Variants in SMAP1 observed in about 807,000 individuals in gnomAD.
SMAP1 encodes small ArfGAP 1.
A neutral mutation model predicts 58.5 loss-of-function variants in SMAP1; 24 were observed. That is an observed-to-expected ratio of 0.41 (90% CI 0.30 to 0.58). SMAP1 has a LOEUF of 0.58. Ranked by LOEUF, SMAP1 falls within the 20% of genes least tolerant of loss-of-function variation. The pLI is 0.29. For synonymous variants in SMAP1, 216 were observed against 196.6 expected, an observed-to-expected ratio of 1.10 and a Z score of -0.82; for missense variants, 563 against 566.3, an observed-to-expected ratio of 0.99 and a Z score of 0.06.
At chr6:70,787,981 C>G (rs138035799) in intron 4 of SMAP1, among the ~76,000 whole-genome samples, 1,646 of 152,218 alleles carry the variant, frequency 0.011, 34 homozygotes, top group African/African-American at 0.037. Context: ...AATCGTGCTA[C>G]TATAAAGACA....
At chr6:70,747,036 AT>A (rs1169910845) in intron 2 of SMAP1, among the ~76,000 whole-genome samples, 1 of 152,166 alleles carries the variant, frequency 6.6e-6, no homozygotes, top group African/African-American at 2.4e-5. Flanking sequence ...ATTGCACATA[AT>A]ATTTTAGAGG....
At chr6:70,727,282 T>A (rs1191493951) in intron 1 of SMAP1, among the ~76,000 whole-genome samples, 1 of 152,124 alleles carries the variant, frequency 6.6e-6, no homozygotes. Flanking sequence ...CTAATTTTTG[T>A]GTTTTTAGTA....
At chr6:70,767,785 A>G (rs1173040267) in intron 3 of SMAP1, among the ~76,000 whole-genome samples, 1 of 137,468 alleles carries the variant, frequency 7.3e-6, no homozygotes, top group Non-Finnish European at 1.5e-5. Flanking sequence ...TTCCAACACT[A>G]TGTTGAATAG....
At chr6:70,670,240 A>G (rs1766208020) in intron 1 of SMAP1, among the ~76,000 whole-genome samples, 1 of 152,212 alleles carries the variant, frequency 6.6e-6, no homozygotes. Context: ...CATGAACTCC[A>G]CAGTATAATT....
intron 6 of SMAP1, among the ~76,000 whole-genome samples, chr6:70,817,203 C>T (rs1769675867): frequency 1.3e-5 from 2 of 151,188 alleles, no homozygotes; most frequent in South Asian, 4.2e-4. Context: ...CATTATTATT[C>T]TACTGAATAG....
At chr6:70,773,974 A>T (rs116976388) in intron 4 of SMAP1, among the ~76,000 whole-genome samples, 1 of 152,204 alleles carries the variant, frequency 6.6e-6, no homozygotes, top group Non-Finnish European at 1.5e-5. Flanking sequence ...CGTTGGTCCT[A>T]TAAGTTTATA....
intron 6 of SMAP1, among the ~76,000 whole-genome samples, chr6:70,822,093 T>G (rs1209611879): frequency 6.6e-6 from 1 of 152,120 alleles, no homozygotes; most frequent in Non-Finnish European, 1.5e-5. Flanking sequence ...AATTAGAAAT[T>G]TCCTGAAATA....
intron 6 of SMAP1, among the ~76,000 whole-genome samples, chr6:70,803,994 CTTA>C (rs1562173001): frequency 6.6e-6 from 1 of 152,090 alleles, no homozygotes; most frequent in South Asian, 2.1e-4. Context: ...CTGTAGATGT[CTTA>C]TTAGGTCCAC....
At chr6:70,841,175 T>TG (rs959640720) in intron 7 of SMAP1, among the ~76,000 whole-genome samples, 20 of 152,216 alleles carry the variant, frequency 1.3e-4, no homozygotes, top group African/African-American at 4.6e-4. Flanking sequence ...GGCGAGCACA[T>TG]GCTTTGGGCA....
intron 4 of SMAP1, among the ~76,000 whole-genome samples, chr6:70,788,035 G>C (rs1270556453): frequency 6.6e-6 from 1 of 152,026 alleles, no homozygotes; most frequent in African/African-American, 2.4e-5. Flanking sequence ...CATTAACAAA[G>C]ACTTGGAACC....
chr6:70,853,311 C>A (rs1448720311), intron 8 of SMAP1, among the ~76,000 whole-genome samples: 1 of 151,850 alleles, frequency 6.6e-6, no homozygotes, highest in Admixed American at 6.6e-5. Context: ...CTTAACATTA[C>A]ATGGAATTTT....
At chr6:70,675,972 ACAT>A (rs1766466000) in intron 1 of SMAP1, among the ~76,000 whole-genome samples, 1 of 152,248 alleles carries the variant, frequency 6.6e-6, no homozygotes, top group South Asian at 2.1e-4. Flanking sequence ...AGGGTTACCT[ACAT>A]GACCAGTCTC....
chr6:70,782,239 A>T (rs184393301), intron 4 of SMAP1, among the ~76,000 whole-genome samples: 3 of 152,344 alleles, frequency 2.0e-5, no homozygotes, highest in African/African-American at 7.2e-5. Flanking sequence ...AAATATGGAT[A>T]ACTTCTATGG....
At chr6:70,838,685 T>G (rs1275774923) in intron 7 of SMAP1, among the ~76,000 whole-genome samples, 2 of 150,182 alleles carry the variant, frequency 1.3e-5, no homozygotes, top group East Asian at 2.0e-4. Context: ...GATGACAGTG[T>G]GGCTAAAGTG....
intron 1 of SMAP1, among the ~76,000 whole-genome samples, chr6:70,715,160 G>A (rs557296317): frequency 8.0e-4 from 109 of 135,454 alleles, no homozygotes; most frequent in African/African-American, 3.1e-3. Flanking sequence ...GTGCAGTGGT[G>A]TGATCATGGC....
At chr6:70,854,860 A>G (rs1296486284) in intron 8 of SMAP1, among the ~76,000 whole-genome samples, 1 of 152,020 alleles carries the variant, frequency 6.6e-6, no homozygotes, top group Non-Finnish European at 1.5e-5. Context: ...TTCTAGTACA[A>G]TATTTTCTAA....
At chr6:70,805,353 G>C (rs1445743962) in intron 6 of SMAP1, among the ~76,000 whole-genome samples, 1 of 152,112 alleles carries the variant, frequency 6.6e-6, no homozygotes, top group African/African-American at 2.4e-5. Flanking sequence ...AGCTCCATCA[G>C]GTCATTTAAG....
intron 1 of SMAP1, among the ~76,000 whole-genome samples, chr6:70,727,757 A>G (rs1765244626): frequency 6.6e-6 from 1 of 152,170 alleles, no homozygotes; most frequent in South Asian, 2.1e-4. Flanking sequence ...GCTGTTACCA[A>G]CATTCAAATG....
At chr6:70,845,355 C>G (rs1770949359) in intron 7 of SMAP1, among the ~76,000 whole-genome samples, 1 of 152,092 alleles carries the variant, frequency 6.6e-6, no homozygotes, top group South Asian at 2.1e-4. Context: ...GGCTGCTGTC[C>G]AGAAACTGGA....
Sources: gnomAD v4.1 joint callset for allele counts (sites outside exome capture counted in the v4.1 genomes callset) on GRCh38, gnomAD v4.1.1 for gene constraint, MANE v1.5 for transcripts, NCBI Gene and HGNC (gene_info 2026-07-23, HGNC 2026-07-21) for gene names.